The following TPGS1 variants were observed in gnomAD, a reference collection of about 807,000 sequenced individuals.
TPGS1 encodes the protein tubulin polyglutamylase complex subunit 1.
In TPGS1, 18 loss-of-function variants were observed where a neutral mutation model predicts 11.9. The ratio of observed to expected loss-of-function variants is 1.51; its 90% CI spans 1.04 to 2.24. TPGS1 has a LOEUF of 2.24. TPGS1 is among the 30% of genes most tolerant of loss of function. The pLI is 0.00. For missense variants in TPGS1, 500 were observed against 443.0 expected, an observed-to-expected ratio of 1.13 and a Z score of -1.16; for synonymous variants, 247 against 218.2, an observed-to-expected ratio of 1.13 and a Z score of -1.16.
At chr19:510,288 GCA>G (rs1978752224) in intron 1 of TPGS1, 1 of 152,040 alleles carries the variant, frequency 6.6e-6, no homozygotes, top group African/African-American at 2.4e-5. Flanking sequence ...CAGGAGAATG[GCA>G]TGAACCCAGG....
intron 1 of TPGS1, among the ~76,000 whole-genome samples, chr19:511,527 G>A (rs866706979): frequency 7.9e-5 from 12 of 152,218 alleles, no homozygotes; most frequent in South Asian, 6.2e-4. Context: ...CCGTTCTCCC[G>A]TCCTCACAAG....
At chr19:511,220 G>A (rs573567992) in intron 1 of TPGS1, among the ~76,000 whole-genome samples, 33 of 152,190 alleles carry the variant, frequency 2.2e-4, no homozygotes, top group Admixed American at 1.4e-3. Flanking sequence ...CTCCTCCTCC[G>A]AGCCCAGAGC....
intron 1 of TPGS1, among the ~76,000 whole-genome samples, chr19:513,744 GAGTACCTACTGCACACCA>G (rs1978872754): frequency 7.1e-6 from 1 of 141,218 alleles, no homozygotes; most frequent in Admixed American, 7.5e-5. Context: ...CAGCATTACT[GAGTACCTACTGCACACCA>G]GCCCAGCATT....
At chr19:513,110 T>C (rs1466262226) in intron 1 of TPGS1, among the ~76,000 whole-genome samples, 1 of 152,050 alleles carries the variant, frequency 6.6e-6, no homozygotes, top group East Asian at 1.9e-4. Flanking sequence ...GTTTGGGGTG[T>C]GATCTGTGAG....
chr19:518,895 C>T lies in TPGS1; in HGVS notation c.345C>T (p.Ala115=). 1 of 1,529,518 alleles carries T rather than the reference C, an allele frequency of 6.5e-7. No homozygotes were observed. The highest frequency in any genetic ancestry group is 1.9e-5 in the Admixed American group (1 of 51,332). 94.7% of individuals were successfully genotyped at this position (1,529,518 alleles called of 1,614,324 possible). A position where few individuals can be genotyped will look rare whatever the true frequency, so the allele number is the denominator to read the frequency against. The part of the protein sequence containing the change: ...LRLAHHSQRA[A]FNNNVSVAYE... ...AACGTCCCCGTCTCCGCAGGGCCGC[C>T]TTCAACAACAACGTGAGCGTGGCCT... is the stretch of plus-strand genomic sequence containing the variant. Residue 115 remains alanine (A), a synonymous_variant, in exon 2 of 2, where the codon GCC becomes GCT. Transcript: ENST00000359315.
At chr19:512,412 C>G (rs996267890) in intron 1 of TPGS1, among the ~76,000 whole-genome samples, 13 of 152,218 alleles carry the variant, frequency 8.5e-5, no homozygotes, top group Admixed American at 2.0e-4. Context: ...ATCCTCCTGC[C>G]TCGGCCTCCC....
At position 518,944 on chromosome 19, in the gene TPGS1, C is replaced by G; in HGVS notation, c.394C>G (p.Arg132Gly). Residue 132 changes from arginine to glycine, a missense_variant, in exon 2 of 2, where the codon CGC becomes GGC. By Grantham distance (125) the Arg-to-Gly change is moderately radical. Coordinates refer to ENST00000359315, the MANE Select transcript of TPGS1 (RefSeq NM_033513.3). ...VAYECLSAGG[R>G]RKRPGLDGRT... ...CTACGAGTGCCTGAGCGCCGGCGGGCGCAGGAAGAGGCCGGGGCTGGACGG... is the reference window on the plus strand; with the variant it reads ...CTACGAGTGCCTGAGCGCCGGCGGGGGCAGGAAGAGGCCGGGGCTGGACGG... The G allele has an allele frequency of 6.3e-7, 1 of 1,580,252 alleles. No homozygotes were observed. The highest frequency in any genetic ancestry group is 8.5e-7 in the Non-Finnish European group (1 of 1,170,176).
chr19:511,539 AC>A (rs1978795112), intron 1 of TPGS1, among the ~76,000 whole-genome samples: 1 of 151,828 alleles, frequency 6.6e-6, no homozygotes, highest in African/African-American at 2.4e-5. Flanking sequence ...CCTCACAAGA[AC>A]CCCCACTCCG....
intron 1 of TPGS1, among the ~76,000 whole-genome samples, chr19:515,023 C>T (rs1009942362): frequency 1.3e-5 from 2 of 152,230 alleles, no homozygotes; most frequent in African/African-American, 4.8e-5. Context: ...TGACAGCCTT[C>T]TTCTGTAAGG....
At chr19:516,051 A>G (rs1374677708) in intron 1 of TPGS1, among the ~76,000 whole-genome samples, 5 of 150,840 alleles carry the variant, frequency 3.3e-5, no homozygotes, top group Non-Finnish European at 4.4e-5. Context: ...AAAAAAAGGA[A>G]GAAAGAAAGA....
intron 1 of TPGS1, among the ~76,000 whole-genome samples, chr19:512,068 A>C (rs914902664): frequency 2.0e-5 from 3 of 152,046 alleles, no homozygotes; most frequent in African/African-American, 2.4e-5. Flanking sequence ...ACGGGGTTTC[A>C]CCATGTTGGC....
chr19:511,787 C>T (rs751578448), intron 1 of TPGS1, among the ~76,000 whole-genome samples: 17 of 152,238 alleles, frequency 1.1e-4, no homozygotes, highest in Non-Finnish European at 1.9e-4. Context: ...GCTGCGAGCA[C>T]GACAGGAACC....
At chr19:514,914 G>A (rs779902423) in intron 1 of TPGS1, among the ~76,000 whole-genome samples, 6 of 152,238 alleles carry the variant, frequency 3.9e-5, no homozygotes, top group Non-Finnish European at 7.3e-5. Flanking sequence ...CTCCACGGGA[G>A]TGTGTGTCAC....
At chr19:507,984 T>C in intron 1 of TPGS1, 140 bp downstream of exon 1, 1 of 622,416 alleles carries the variant, frequency 1.6e-6, no homozygotes, top group East Asian at 3.5e-5. Flanking sequence ...CCTTCTTGGG[T>C]GGGATGGATC....
chr19:514,047 G>A (rs1444758548), intron 1 of TPGS1, among the ~76,000 whole-genome samples: 1 of 151,502 alleles, frequency 6.6e-6, no homozygotes, highest in African/African-American at 2.4e-5. Flanking sequence ...CAGCATTACT[G>A]AGCACCCACT....
At position 518,914 on chromosome 19, in the gene TPGS1, G is replaced by T. The variant is rs373085894; in HGVS notation, c.364G>T (p.Val122Leu). The change falls in exon 2 of 2, where the codon GTG becomes TTG. Residue 122 changes from valine (V) to leucine (L), a missense_variant. By Grantham distance (32) the Val-to-Leu change is conservative. Transcript: ENST00000359315. Reference sequence around the variant, plus strand: ...GGCCGCCTTCAACAACAACGTGAGCGTGGCCTACGAGTGCCTGAGCGCCGG... The same window carrying T: ...GGCCGCCTTCAACAACAACGTGAGCTTGGCCTACGAGTGCCTGAGCGCCGG... ...QRAAFNNNVS[V>L]AYECLSAGGR... 292 of 1,562,648 alleles carry T rather than the reference G, an allele frequency of 1.9e-4. No individual in the cohort carries two copies. The highest frequency in any genetic ancestry group is 2.4e-4 in the Non-Finnish European group (280 of 1,161,928).
At chr19:515,464 G>A (rs112850403) in intron 1 of TPGS1, among the ~76,000 whole-genome samples, 20,309 of 152,118 alleles carry the variant, frequency 0.13, 1,785 homozygotes, top group Middle Eastern at 0.37. Context: ...CAGACTGGGC[G>A]CAGTGGCTCA....
rs574484899 is a variant in TPGS1, at chr19:519,217, G to A, written c.667G>A (p.Asp223Asn). The change falls in exon 2 of 2, where the codon GAC (aspartate) becomes AAC (asparagine). Residue 223 changes from aspartate to asparagine, a missense_variant. Physicochemically the swap from Asp to Asn is conservative, Grantham distance 23 (BLOSUM62 1). Transcript: ENST00000359315. The part of the protein sequence containing the change: ...ADRRVGQAVL[D>N]TLEGALQASD... Reference sequence around the variant, plus strand: ...CCGCCGCGTGGGCCAGGCCGTGCTGGACACCCTGGAGGGCGCGCTGCAGGC... The same window carrying A: ...CCGCCGCGTGGGCCAGGCCGTGCTGAACACCCTGGAGGGCGCGCTGCAGGC... The A allele has an allele frequency of 8.5e-6, 12 of 1,419,462 alleles. No homozygotes were observed. The highest frequency in any genetic ancestry group is 1.1e-5 in the Non-Finnish European group (12 of 1,094,302). 87.9% of individuals were successfully genotyped at this position (1,419,462 alleles called of 1,614,324 possible).
In TPGS1 at chr19:519,213, G is replaced by A; in HGVS notation, c.663G>A (p.Val221=). The change falls in exon 2 of 2, where the codon GTG becomes GTA. Residue 221 remains valine, a synonymous_variant. Transcript: ENST00000359315. Reference sequence around the variant, plus strand: ...CCGACCGCCGCGTGGGCCAGGCCGTGCTGGACACCCTGGAGGGCGCGCTGC... The same window carrying A: ...CCGACCGCCGCGTGGGCCAGGCCGTACTGGACACCCTGGAGGGCGCGCTGC... ...AVADRRVGQA[V]LDTLEGALQA... 1 of 1,432,350 alleles carries A rather than the reference G, an allele frequency of 7.0e-7. No homozygotes were observed. Among genetic ancestry groups the A allele is most frequent in the Non-Finnish European group, 9.1e-7 (1 of 1,100,664 alleles). The allele number at this position is 1,432,350 out of a possible 1,614,324, so 88.7% of individuals were successfully genotyped here.
Sources: allele counts gnomAD v4.1 joint callset (sites outside exome capture counted in the v4.1 genomes callset), GRCh38; gene constraint gnomAD v4.1.1; transcripts MANE v1.5; gene names NCBI Gene and HGNC (gene_info 2026-07-23, HGNC 2026-07-21).